BCAS3: variants seen among roughly 807,000 people sequenced by gnomAD.
BCAS3 encodes BCAS4/BCAS3 fusion.
BCAS3 carries 53 observed loss-of-function variants against 116.1 expected under a neutral mutation model. The observed-to-expected ratio is 0.46, with a 90% confidence interval of 0.37 to 0.57. The LOEUF (loss-of-function observed/expected upper bound fraction) is 0.57, where lower values mean the gene tolerates loss of function less well. Among genes scored for constraint, BCAS3 ranks in the 20% least tolerant of loss-of-function variants. The probability of loss-of-function intolerance (pLI) is 0.00; values close to 1 mark genes in which losing one functional copy is unlikely to be tolerated. For missense variants in BCAS3, 917 were observed against 1,165.4 expected, an observed-to-expected ratio of 0.79 and a Z score of 3.10; for synonymous variants, 391 against 408.2, an observed-to-expected ratio of 0.96 and a Z score of 0.51.
chr17:61,260,875 A>G (rs919693114), intron 22 of BCAS3, among the ~76,000 whole-genome samples: 2 of 152,220 alleles, frequency 1.3e-5, no homozygotes, highest in African/African-American at 4.8e-5. Context: ...TTTTACCAAT[A>G]TGCTGCCTTT....
chr17:60,708,687 C>A (rs1260804143), intron 4 of BCAS3, among the ~76,000 whole-genome samples: 1 of 152,022 alleles, frequency 6.6e-6, no homozygotes, highest in East Asian at 1.9e-4. Flanking sequence ...CGGCACCACA[C>A]CCGACTAATT....
rs779818468 is a variant in BCAS3 at position 61,056,900 on chromosome 17, A to T, written c.2029+16008A>T. On this transcript the variant is annotated intron_variant, in intron 19 of 23. Transcript: ENST00000407086. This position sits in a 1 kb window ranked among gnomAD's most constrained non-coding sequence, Gnocchi z 4.9. ...AGAACTCTCTCCATGACAAGGATTA[A>T]TATATTAACTGGATTATAGCACTGT... is the stretch of plus-strand genomic sequence containing the variant. 5.3e-5 allele frequency among the ~76,000 whole-genome samples: 8 copies of T among 152,236 alleles called. No individual in the cohort carries two copies. The highest frequency in any genetic ancestry group is 1.2e-4 in the Non-Finnish European group (8 of 68,040).
In BCAS3 at chr17:60,732,709, C is replaced by T. The variant is rs553269947; in HGVS notation, c.322-14489C>T. Among the ~76,000 whole-genome samples the T allele has an allele frequency of 1.2e-4, 18 of 151,996 alleles. No individual in the cohort carries two copies. In the South Asian group the frequency reaches 2.3e-3, roughly 19 times the overall value. On this transcript the variant is annotated intron_variant, in intron 5 of 23. Coordinates refer to ENST00000407086, the MANE Select transcript of BCAS3 (RefSeq NM_017679.5). ...CAAAAATTAGCTGGGCGTGGTGGTG[C>T]GCACCTGTAGTCCCAGCTACTCAGG...
chr17:60,896,690 TC>T (rs577234895), intron 10 of BCAS3, among the ~76,000 whole-genome samples: 2 of 152,136 alleles, frequency 1.3e-5, no homozygotes, highest in African/African-American at 4.8e-5. Flanking sequence ...TCTTTTTTTT[TC>T]CCCTTTACTT....
intron 22 of BCAS3, among the ~76,000 whole-genome samples, chr17:61,246,095 C>T (rs2047922495): frequency 6.6e-6 from 1 of 152,166 alleles, no homozygotes; most frequent in Non-Finnish European, 1.5e-5. Context: ...CAGGAATTCT[C>T]TTCTATCCTG....
chr17:60,747,946 C>T (rs1157284961), intron 6 of BCAS3, among the ~76,000 whole-genome samples: 1 of 151,258 alleles, frequency 6.6e-6, no homozygotes, highest in African/African-American at 2.5e-5. Context: ...TAAATAACGC[C>T]TGACTCCTTA....
intron 22 of BCAS3, among the ~76,000 whole-genome samples, chr17:61,294,472 A>G (rs1321671594): frequency 6.6e-6 from 1 of 152,208 alleles, no homozygotes; most frequent in Non-Finnish European, 1.5e-5. Context: ...TTTGTTATTA[A>G]AAAATTCCAT....
intron 22 of BCAS3, among the ~76,000 whole-genome samples, chr17:61,341,504 C>T (rs1252927878): frequency 6.6e-6 from 1 of 152,158 alleles, no homozygotes; most frequent in Non-Finnish European, 1.5e-5. Context: ...CACATAAAGA[C>T]ACTGAAGCTG....
intron 22 of BCAS3, among the ~76,000 whole-genome samples, chr17:61,167,302 T>G (rs1395349591): frequency 6.6e-6 from 1 of 152,210 alleles, no homozygotes; most frequent in South Asian, 2.1e-4. Flanking sequence ...ATTGTAACAC[T>G]GATAAAGTCC....
chr17:61,194,368 C>A (rs2080345883), intron 22 of BCAS3, among the ~76,000 whole-genome samples: 1 of 152,142 alleles, frequency 6.6e-6, no homozygotes. Context: ...TTAATTCCCC[C>A]AGCAAGTGAA....
In BCAS3 at chr17:61,391,995, G is replaced by A. The variant is rs761460954; in HGVS notation, c.2612G>A (p.Ser871Asn). Residue 871 changes from serine (S) to asparagine (N), a missense_variant, in exon 24 of 24, where the codon AGC (serine) becomes AAC (asparagine). Physicochemically the swap from Ser to Asn is conservative, Grantham distance 46. Coordinates refer to ENST00000407086, the MANE Select transcript of BCAS3 (RefSeq NM_017679.5). The surrounding 1 kb of genome is among the most constrained non-coding windows in gnomAD (Gnocchi z 7.7). ...CTTGCAGAACTTCAGCGAGAGGGAA[G>A]CATCGAGACTCTGAGTAACAGCTCA... Reference protein sequence around the residue: ...GSGTELQREGSIETLSNSSGS... With the variant: ...GSGTELQREGNIETLSNSSGS... 7 of 1,613,712 alleles carry A rather than the reference G, an allele frequency of 4.3e-6. No homozygotes were observed. The highest frequency in any genetic ancestry group is 5.9e-6 in the Non-Finnish European group (7 of 1,179,988).
chr17:60,711,807 C>G (rs1266478299), intron 5 of BCAS3, among the ~76,000 whole-genome samples: 1 of 151,776 alleles, frequency 6.6e-6, no homozygotes, highest in African/African-American at 2.4e-5. Context: ...AATCCCAGCA[C>G]TTTGGGAGGC....
intron 5 of BCAS3, among the ~76,000 whole-genome samples, chr17:60,722,826 G>A (rs1020304468): frequency 4.6e-5 from 7 of 151,790 alleles, no homozygotes; most frequent in African/African-American, 7.3e-5. Flanking sequence ...CTGGCACTTT[G>A]GGAGGAGGTG....
At chr17:61,301,420 T>C (rs887501262) in intron 22 of BCAS3, among the ~76,000 whole-genome samples, 17 of 151,946 alleles carry the variant, frequency 1.1e-4, no homozygotes, top group Non-Finnish European at 2.1e-4. Flanking sequence ...GATCACGAGG[T>C]CAGGAGTTCG....
chr17:61,301,366 A>G (rs1275086782), intron 22 of BCAS3, among the ~76,000 whole-genome samples: 2 of 152,098 alleles, frequency 1.3e-5, no homozygotes, highest in African/African-American at 2.4e-5. Flanking sequence ...GGGCACGGTG[A>G]CTCACGCCTG....
intron 5 of BCAS3, chr17:60,727,115 T>C (rs536972543): frequency 2.2e-5 from 10 of 444,722 alleles, no homozygotes; most frequent in African/African-American, 2.0e-4. Context: ...GTAATTTTTC[T>C]ATGGCTTCAA....
rs949714654 is a variant in BCAS3, at chr17:61,344,843, G to A, written c.2426-23484G>A. Among the ~76,000 whole-genome samples the A allele has an allele frequency of 3.3e-5, 5 of 152,152 alleles. No individual in the cohort carries two copies. The highest frequency in any genetic ancestry group is 3.4e-3 in the Middle Eastern group (1 of 294). The stretch of plus-strand genomic sequence containing the variant: ...TCATTAAGTAAGGGACAACCATGGC[G>A]AGGAGTTGCAATGTCACTCCAGCCC... On this transcript the variant is annotated intron_variant, in intron 22 of 23. Transcript: ENST00000407086. This position sits in a 1 kb window ranked among gnomAD's most constrained non-coding sequence, Gnocchi z 4.1.
At chr17:61,271,396 G>A (rs1371866438) in intron 22 of BCAS3, among the ~76,000 whole-genome samples, 1 of 125,182 alleles carries the variant, frequency 8.0e-6, no homozygotes, top group Non-Finnish European at 1.6e-5. Context: ...AAAGTGCTGG[G>A]ATTACAGGTG....
At position 61,387,687 on chromosome 17, in the gene BCAS3, A is replaced by G. The variant is rs1316970332; in HGVS notation, c.2594-4290A>G. Among the ~76,000 whole-genome samples, 2 of 152,200 alleles carry G rather than the reference A, an allele frequency of 1.3e-5. No individual in the cohort carries two copies. Among genetic ancestry groups the G allele is most frequent in the Non-Finnish European group, 2.9e-5 (2 of 68,038 alleles). On this transcript the variant is annotated intron_variant, in intron 23 of 23. Coordinates refer to ENST00000407086, the MANE Select transcript of BCAS3 (RefSeq NM_017679.5). The surrounding 1 kb of genome is among the most constrained non-coding windows in gnomAD (Gnocchi z 6.2). ...ATGAGCCAACAGGGAATGGCTCTCC[A>G]GCATGGGCATGGGGGCCGGTCTTAG...
Sources: allele counts gnomAD v4.1 joint callset (sites outside exome capture counted in the v4.1 genomes callset), GRCh38; gene constraint gnomAD v4.1.1; non-coding constraint Gnocchi (gnomAD v3.1); transcripts MANE v1.5; gene names NCBI Gene and HGNC (gene_info 2026-07-23, HGNC 2026-07-21).